Variants in TCF7 observed in about 807,000 individuals in gnomAD.
The protein encoded by TCF7 is transcription factor 7.
A neutral mutation model predicts 46.8 loss-of-function variants in TCF7; 19 were observed. That is an observed-to-expected ratio of 0.41 (90% CI 0.28 to 0.60). The LOEUF is 0.60. Among genes scored for constraint, TCF7 ranks in the 20% least tolerant of loss-of-function variants. The pLI is 0.35. For synonymous variants in TCF7, 245 were observed against 213.4 expected, an observed-to-expected ratio of 1.15 and a Z score of -1.29; for missense variants, 547 against 504.6, an observed-to-expected ratio of 1.08 and a Z score of -0.81.
At chr5:134,143,150 T>G in intron 8 of TCF7, 50 bp downstream of exon 8, 1 of 1,525,512 alleles carries the variant, frequency 6.6e-7, no homozygotes, top group Non-Finnish European at 8.9e-7. Context: ...CCCTTTGAGA[T>G]ACCATGCCCC....
chr5:134,138,798 C>T (rs942771819), intron 4 of TCF7, 153 bp from the exon 5 acceptor site: 6 of 1,252,366 alleles, frequency 4.8e-6, no homozygotes, highest in African/African-American at 4.6e-5. Context: ...TATTATCACA[C>T]TGGGATCCTC....
chr5:134,122,593 T>C (rs1756755730), intron 3 of TCF7, among the ~76,000 whole-genome samples: 1 of 152,030 alleles, frequency 6.6e-6, no homozygotes, highest in African/African-American at 2.4e-5. Flanking sequence ...CTGGGGGTGC[T>C]GGTTTAAAGT....
intron 3 of TCF7, among the ~76,000 whole-genome samples, chr5:134,132,216 A>T (rs538886350): frequency 2.0e-5 from 3 of 152,274 alleles, no homozygotes; most frequent in African/African-American, 7.2e-5. Context: ...TAGTAGTTGT[A>T]CCTAATATCA....
Position 134,138,119 on chromosome 5 carries a change from A to G in TCF7, c.502A>G (p.Ser168Gly). Residue 168 changes from serine to glycine, a missense_variant, in exon 4 of 10, where the codon AGC becomes GGC. Transcript: ENST00000342854. Reference protein sequence around the residue: ...PQLSLYEHFNSPHPTPAPADI... With the variant: ...PQLSLYEHFNGPHPTPAPADI... ...ACTCTCTCTCTACGAACATTTCAAC[A>G]GCCCACATCCCACCCCTGCACCTGC... is the stretch of plus-strand genomic sequence containing the variant. The G allele has an allele frequency of 6.2e-7, 1 of 1,613,146 alleles. No individual in the cohort carries two copies. Among genetic ancestry groups the G allele is most frequent in the Non-Finnish European group, 8.5e-7 (1 of 1,179,616 alleles).
intron 3 of TCF7, among the ~76,000 whole-genome samples, chr5:134,134,262 G>T (rs530137714): frequency 1.3e-5 from 2 of 152,378 alleles, no homozygotes; most frequent in African/African-American, 4.8e-5. Flanking sequence ...CAGCTCCTTA[G>T]GCTTCCCTGC....
chr5:134,132,071 C>CT (rs149134215), intron 3 of TCF7, among the ~76,000 whole-genome samples: 72 of 152,354 alleles, frequency 4.7e-4, no homozygotes, highest in African/African-American at 1.7e-3. Context: ...AAGGGAGAGA[C>CT]TGTGTTTAGA....
rs528083568 is a variant in TCF7, at chr5:134,117,060, C to T, written c.441+1027C>T. On this transcript the variant is annotated intron_variant, in intron 3 of 9. Transcript: ENST00000342854. ...TTCTGAGAGCTGCTGCATGCCAAGC[C>T]AGTGGGAATGAGAAGACATATAGGC... 7.2e-5 allele frequency among the ~76,000 whole-genome samples: 11 copies of T among 152,350 alleles called. No homozygotes were observed. In the South Asian group the frequency reaches 2.1e-3, roughly 29 times the overall value.
intron 4 of TCF7, 89 bp from the exon 5 acceptor site, chr5:134,138,862 G>C: frequency 6.4e-7 from 1 of 1,555,056 alleles, no homozygotes; most frequent in Non-Finnish European, 8.7e-7. Context: ...GGATCTTAAG[G>C]CCCCTGTAGG....
chr5:134,118,625 T>C (rs1455452372), intron 3 of TCF7, among the ~76,000 whole-genome samples: 2 of 152,110 alleles, frequency 1.3e-5, no homozygotes, highest in Non-Finnish European at 2.9e-5. Flanking sequence ...AAAGGTTCCT[T>C]CTTTTTGGTA....
chr5:134,115,887 G>T (rs1319110085), intron 2 of TCF7, 22 bp from the exon 3 acceptor site: 1 of 1,613,732 alleles, frequency 6.2e-7, no homozygotes, highest in Admixed American at 1.7e-5. Context: ...TGGTGTGTCT[G>T]ACCCAGCTGT....
intron 5 of TCF7, among the ~76,000 whole-genome samples, chr5:134,140,348 A>T (rs571247580): frequency 6.6e-6 from 1 of 152,296 alleles, no homozygotes; most frequent in South Asian, 2.1e-4. Context: ...CTAGTTAGGG[A>T]CTGTAGGAGC....
rs1190859509 is a variant in TCF7 at position 134,138,932 on chromosome 5, C to T, written c.548-19C>T. ...GCCAGGTCAGGCTAGCCCACTCACT[C>T]AGCTTCTCTCCTCTGCAGTTCACAG... is the stretch of plus-strand genomic sequence containing the variant. On this transcript the variant is annotated intron_variant, in intron 4 of 9. Transcript: ENST00000342854. 2 of 1,613,362 alleles carry T rather than the reference C, an allele frequency of 1.2e-6. No homozygotes were observed. Among genetic ancestry groups the T allele is most frequent in the South Asian group, 2.2e-5 (2 of 91,056 alleles).
At chr5:134,132,687 A>G (rs1281031288) in intron 3 of TCF7, among the ~76,000 whole-genome samples, 2 of 139,180 alleles carry the variant, frequency 1.4e-5, no homozygotes, top group Non-Finnish European at 3.0e-5. Context: ...TGCGGTCTAC[A>G]GGGAAAATGC....
At position 134,115,998 on chromosome 5, in the gene TCF7, G is replaced by A. The variant is rs765365004; in HGVS notation, c.406G>A (p.Gly136Arg). ...GCTCATGCATTACCCACCCCCCTCGGGAGCAGGGCAGCACCCCCAGCCGCA... is the reference window on the plus strand; with the variant it reads ...GCTCATGCATTACCCACCCCCCTCGAGAGCAGGGCAGCACCCCCAGCCGCA... Reference protein sequence around the residue: ...NLLMHYPPPSGAGQHPQPQPP... With the variant: ...NLLMHYPPPSRAGQHPQPQPP... The change falls in exon 3 of 10, where the codon GGA (glycine) becomes AGA (arginine). Residue 136 changes from glycine (G) to arginine (R), a missense_variant. Gly to Arg is a moderately radical substitution (Grantham distance 125). Transcript: ENST00000342854. 6 of 1,613,618 alleles carry A rather than the reference G, an allele frequency of 3.7e-6. No individual in the cohort carries two copies. In the Admixed American group the frequency reaches 8.3e-5, roughly 22 times the overall value.
the TCF7 span, among the ~76,000 whole-genome samples, chr5:134,108,797 G>C: frequency 1.3e-5 from 2 of 152,120 alleles, no homozygotes; most frequent in Non-Finnish European, 2.9e-5. Flanking sequence ...CTCTCCCCCA[G>C]GGCCTAGTTC....
intron 5 of TCF7, 82 bp downstream of exon 5, chr5:134,139,120 C>G: frequency 6.5e-7 from 1 of 1,548,288 alleles, no homozygotes; most frequent in Non-Finnish European, 8.7e-7. Context: ...CTCCTCCATC[C>G]CTCTTGGCTG....
In TCF7 at chr5:134,115,943, C is replaced by T. The variant is rs776783326; in HGVS notation, c.351C>T (p.Tyr117=). ...CCCCGGAGTGCACCAGCGGCATGTACAAAGAGACCGTCTACTCCGCCTTCA... is the reference window on the plus strand; with the variant it reads ...CCCCGGAGTGCACCAGCGGCATGTATAAAGAGACCGTCTACTCCGCCTTCA... The part of the protein sequence containing the change: ...LKAPECTSGM[Y]KETVYSAFNL... Residue 117 remains tyrosine (Y), a synonymous_variant, in exon 3 of 10, where the codon TAC becomes TAT. Transcript: ENST00000342854. 1 of 1,614,030 alleles carries T rather than the reference C, an allele frequency of 6.2e-7. No homozygotes were observed. Among genetic ancestry groups the T allele is most frequent in the South Asian group, 1.1e-5 (1 of 91,090 alleles).
At chr5:134,114,214 C>G (rs1468237012), upstream of TCF7, among the ~76,000 whole-genome samples, 2 of 152,188 alleles carry the variant, frequency 1.3e-5, no homozygotes, top group East Asian at 3.9e-4. Context: ...GCCGCAACAG[C>G]GCCGCGGAGT....
At chr5:134,143,567 G>C in intron 8 of TCF7, 25 bp from the exon 9 acceptor site, 1 of 1,614,110 alleles carries the variant, frequency 6.2e-7, no homozygotes, top group Admixed American at 1.7e-5. Context: ...CCAGATCTGA[G>C]CATCCCTCCT....
Sources: allele counts gnomAD v4.1 joint callset (sites outside exome capture counted in the v4.1 genomes callset), GRCh38; gene constraint gnomAD v4.1.1; transcripts MANE v1.5; gene names NCBI Gene and HGNC (gene_info 2026-07-23, HGNC 2026-07-21).